NOX4: variants seen among roughly 807,000 people sequenced by gnomAD.
NOX4 encodes the protein NADPH oxidase 4, also known as kidney oxidase-1.
Under a neutral mutation model 87.6 loss-of-function variants are expected in NOX4, and 69 were observed. The ratio of observed to expected loss-of-function variants is 0.79; its 90% CI spans 0.65 to 0.96. The LOEUF is 0.96. NOX4 is among the 40% of genes least tolerant of loss of function. The pLI is 0.00. For missense variants in NOX4, 680 were observed against 681.5 expected (o/e 1.00, Z 0.02); for synonymous variants, 275 against 238.2 (o/e 1.15, Z -1.42).
chr11:89,486,847 C>A (rs1946647106), intron 2 of NOX4, among the ~76,000 whole-genome samples: 1 of 151,734 alleles, frequency 6.6e-6, no homozygotes, highest in Non-Finnish European at 1.5e-5. Flanking sequence ...TTTTGTAGTT[C>A]CACAACTTCC....
the NOX4 span, among the ~76,000 whole-genome samples, chr11:89,516,324 A>G: frequency 1.3e-5 from 2 of 152,234 alleles, no homozygotes; most frequent in South Asian, 4.1e-4. Context: ...GTAAAATTGA[A>G]TATAGATCAA....
rs1486277392 is a variant in NOX4 at position 89,438,867 on chromosome 11, A to T, written c.475+1821T>A. Among the ~76,000 whole-genome samples, 3 of 6,264 alleles carry T rather than the reference A, an allele frequency of 4.8e-4. No homozygotes were observed. In the South Asian group the frequency reaches 9.1e-3, roughly 19 times the overall value. The allele number at this position is 6,264 out of a possible 152,430, so 4.1% of individuals were successfully genotyped here. On this transcript the variant is annotated intron_variant, in intron 6 of 17. Transcript: ENST00000263317. Reference sequence around the variant, plus strand: ...TATATTATATAATATATTATATATTATATATATAATATATAATATATTATA... The same window carrying T: ...TATATTATATAATATATTATATATTTTATATATAATATATAATATATTATA...
intron 13 of NOX4, among the ~76,000 whole-genome samples, chr11:89,349,588 A>G (rs940003016): frequency 2.6e-5 from 4 of 152,192 alleles, no homozygotes; most frequent in African/African-American, 7.2e-5. Flanking sequence ...TTGTCCAAAC[A>G]ATCAAGGTTG....
upstream of NOX4, among the ~76,000 whole-genome samples, chr11:89,502,059 C>T (rs1237897218): frequency 6.6e-6 from 1 of 152,052 alleles, no homozygotes; most frequent in Non-Finnish European, 1.5e-5. Flanking sequence ...GACTATATTT[C>T]ACTCCAGTCC....
At chr11:89,493,601 G>A (rs1946913847), upstream of NOX4, among the ~76,000 whole-genome samples, 1 of 151,934 alleles carries the variant, frequency 6.6e-6, no homozygotes, top group South Asian at 2.1e-4. Flanking sequence ...ATCTGTTTAT[G>A]TTGCTTTACC....
chr11:89,502,765 T>C (rs1287268832), upstream of NOX4, among the ~76,000 whole-genome samples: 1 of 152,098 alleles, frequency 6.6e-6, no homozygotes, highest in Non-Finnish European at 1.5e-5. Flanking sequence ...CACAAGTTAT[T>C]GATAATTCAG....
chr11:89,346,882 G>C (rs1443352855), intron 13 of NOX4, among the ~76,000 whole-genome samples: 1 of 152,172 alleles, frequency 6.6e-6, no homozygotes, highest in Non-Finnish European at 1.5e-5. Context: ...GTGAATCCCA[G>C]CCCAGGGGTT....
At chr11:89,417,468 CA>C (rs1389495520) in intron 8 of NOX4, among the ~76,000 whole-genome samples, 3 of 151,884 alleles carry the variant, frequency 2.0e-5, no homozygotes, top group Non-Finnish European at 4.4e-5. Context: ...AAAATCAAAA[CA>C]AAAAATTCCT....
At chr11:89,561,684 G>T in the NOX4 span, among the ~76,000 whole-genome samples, 1 of 152,138 alleles carries the variant, frequency 6.6e-6, no homozygotes, top group Non-Finnish European at 1.5e-5. Context: ...CACTGTGCCA[G>T]ACACTGTTGT....
At position 89,491,331 on chromosome 11, in the gene NOX4, G is replaced by T. The variant is rs940194437; in HGVS notation, c.-85C>A. The T allele has an allele frequency of 4.0e-6, 5 of 1,239,328 alleles. No individual in the cohort carries two copies. The highest frequency in any genetic ancestry group is 5.1e-5 in the East Asian group (2 of 39,598). The allele number at this position is 1,239,328 out of a possible 1,614,324, so 76.8% of individuals were successfully genotyped here. On this transcript the variant is annotated 5_prime_UTR_variant, in exon 1 of 18. Coordinates refer to ENST00000263317, the MANE Select transcript of NOX4 (RefSeq NM_016931.5). ...GCCGGGGCAGCGGTTACAGTTGTGC[G>T]GCCTGCCGGGCCGCTGAGCGAGGAC...
At chr11:89,568,969 G>C in the NOX4 span, among the ~76,000 whole-genome samples, 1 of 152,134 alleles carries the variant, frequency 6.6e-6, no homozygotes, top group Non-Finnish European at 1.5e-5. Context: ...CATATGCAGA[G>C]GATTGAAGCT....
intron 11 of NOX4, among the ~76,000 whole-genome samples, chr11:89,399,184 T>TA (rs910477947): frequency 1.3e-5 from 2 of 151,502 alleles, no homozygotes; most frequent in African/African-American, 4.8e-5. Context: ...GTCCATTATT[T>TA]AGCTAGATGC....
At chr11:89,553,295 C>G in the NOX4 span, among the ~76,000 whole-genome samples, 75 of 152,242 alleles carry the variant, frequency 4.9e-4, no homozygotes, top group South Asian at 2.9e-3. Context: ...ATGCCATTCT[C>G]ATGATGGTGA....
the NOX4 span, among the ~76,000 whole-genome samples, chr11:89,566,168 G>C: frequency 6.6e-6 from 1 of 151,252 alleles, no homozygotes; most frequent in Non-Finnish European, 1.5e-5. Flanking sequence ...TCAGCCTCCT[G>C]AGTAGCTGGG....
intron 15 of NOX4, among the ~76,000 whole-genome samples, chr11:89,337,845 A>G (rs932562377): frequency 6.6e-6 from 1 of 152,060 alleles, no homozygotes; most frequent in African/African-American, 2.4e-5. Flanking sequence ...TTATTCCTTA[A>G]GAGTCTCAAA....
intron 11 of NOX4, among the ~76,000 whole-genome samples, chr11:89,375,595 A>T (rs994434829): frequency 2.6e-5 from 4 of 152,208 alleles, no homozygotes; most frequent in Non-Finnish European, 5.9e-5. Flanking sequence ...GGCATGAGCT[A>T]CCACACCCAG....
At chr11:89,459,208 G>A (rs140670304) in intron 2 of NOX4, among the ~76,000 whole-genome samples, 623 of 152,040 alleles carry the variant, frequency 4.1e-3, no homozygotes, top group African/African-American at 0.014. Flanking sequence ...ACCAAATACC[G>A]AGAACATGTT....
chr11:89,355,475 C>T (rs543720523), intron 12 of NOX4, among the ~76,000 whole-genome samples: 4 of 150,686 alleles, frequency 2.7e-5, no homozygotes, highest in African/African-American at 4.9e-5. Context: ...TTAATGGTAA[C>T]ATATATCTTT....
the NOX4 span, among the ~76,000 whole-genome samples, chr11:89,562,666 C>G: frequency 6.6e-6 from 1 of 152,160 alleles, no homozygotes; most frequent in Non-Finnish European, 1.5e-5. Flanking sequence ...AGACCTAGCT[C>G]AAAGATTCTT....
Sources: allele counts gnomAD v4.1 joint callset (sites outside exome capture counted in the v4.1 genomes callset), GRCh38; gene constraint gnomAD v4.1.1; transcripts MANE v1.5; gene names NCBI Gene and HGNC (gene_info 2026-07-23, HGNC 2026-07-21).